GLIPR1L2: variants seen among roughly 807,000 people sequenced by gnomAD.
GLIPR1L2 encodes the protein GLIPR1 like 2, also known as GLIPR1-like protein 2.
GLIPR1L2 carries 21 observed loss-of-function variants against 28.4 expected under a neutral mutation model. The observed-to-expected ratio is 0.74, with a 90% CI of 0.52 to 1.06. GLIPR1L2 has a LOEUF of 1.06. GLIPR1L2 is among the 50% of genes least tolerant of loss of function. The pLI, the probability that GLIPR1L2 is intolerant of heterozygous loss-of-function variation, is 0.00. For missense variants in GLIPR1L2, 476 were observed against 416.9 expected (o/e 1.14, Z -1.23); for synonymous variants, 145 against 139.3 (o/e 1.04, Z -0.29).
intron 4 of GLIPR1L2, 113 bp downstream of exon 4, chr12:75,423,102 T>C (rs1594028935): frequency 6.3e-7 from 1 of 1,584,166 alleles, no homozygotes; most frequent in Non-Finnish European, 8.6e-7. Context: ...TTGATCAGAA[T>C]GCTACTATTA....
rs570242886 is a variant in GLIPR1L2 at position 75,429,307 on chromosome 12, TA to T, written c.671-1406del. Among the ~76,000 whole-genome samples, 502 of 152,340 alleles carry T rather than the reference TA, an allele frequency of 3.3e-3. 1 individual carries two copies. Among genetic ancestry groups the T allele is most frequent in the Non-Finnish European group, 6.2e-3 (421 of 68,028 alleles). ...GAGATTATTTTGGAGCTTTAAGATG[TA>T]ATGACTGTCCTGTTGGGTTTTGAAC... On this transcript the variant is annotated intron_variant, in intron 4 of 5. Coordinates refer to ENST00000550916, the MANE Select transcript of GLIPR1L2 (RefSeq NM_001270396.2).
intron 1 of GLIPR1L2, among the ~76,000 whole-genome samples, chr12:75,406,773 A>G (rs1244389364): frequency 2.1e-5 from 3 of 145,122 alleles, no homozygotes; most frequent in African/African-American, 5.1e-5. Flanking sequence ...AAAAAAAAAA[A>G]AGAGAGAGAG....
intron 4 of GLIPR1L2, among the ~76,000 whole-genome samples, chr12:75,428,789 G>A (rs1343326059): frequency 1.3e-5 from 2 of 152,224 alleles, no homozygotes; most frequent in Non-Finnish European, 1.5e-5. Flanking sequence ...GTGGCTCAAA[G>A]GGGCCAAGGT....
In GLIPR1L2 at chr12:75,413,706, G is replaced by C. The variant is rs2045895988; in HGVS notation, c.584+5G>C. 1 of 1,328,782 alleles carries C rather than the reference G, an allele frequency of 7.5e-7. No homozygotes were observed. The highest frequency in any genetic ancestry group is 1.5e-5 in the African/African-American group (1 of 65,852). The allele number at this position is 1,328,782 out of a possible 1,614,324, so 82.3% of individuals were successfully genotyped here. On this transcript the variant is annotated splice_donor_5th_base_variant and intron_variant, in intron 3 of 5. Transcript: ENST00000550916. ...CATATGCAACTATGCGCCAGGGTAAGTTACTTAAAATTAATAAAAGAATAT... is the reference window on the plus strand; with the variant it reads ...CATATGCAACTATGCGCCAGGGTAACTTACTTAAAATTAATAAAAGAATAT...
intron 1 of GLIPR1L2, among the ~76,000 whole-genome samples, chr12:75,396,096 G>A (rs938453934): frequency 6.6e-6 from 1 of 151,948 alleles, no homozygotes; most frequent in African/African-American, 2.4e-5. Flanking sequence ...TTTTTCCCAA[G>A]GTATTTTCTT....
At chr12:75,423,070 T>C in intron 4 of GLIPR1L2, 81 bp downstream of exon 4, 1 of 1,603,968 alleles carries the variant, frequency 6.2e-7, no homozygotes, top group Non-Finnish European at 8.5e-7. Context: ...TAGTTTTTTA[T>C]GGTCATGTTA....
chr12:75,402,538 G>A (rs546549534), intron 1 of GLIPR1L2, among the ~76,000 whole-genome samples: 18 of 152,254 alleles, frequency 1.2e-4, no homozygotes, highest in African/African-American at 3.9e-4. Flanking sequence ...TCTTAATAAT[G>A]TTTTCCTTTA....
At chr12:75,422,180 G>A (rs1324350094) in intron 3 of GLIPR1L2, among the ~76,000 whole-genome samples, 1 of 151,026 alleles carries the variant, frequency 6.6e-6, no homozygotes, top group African/African-American at 2.4e-5. Context: ...TTTTTGAAGA[G>A]ACGAGGTCTT....
At chr12:75,419,988 ATTC>A (rs1257134165) in intron 3 of GLIPR1L2, among the ~76,000 whole-genome samples, 1 of 152,206 alleles carries the variant, frequency 6.6e-6, no homozygotes, top group East Asian at 1.9e-4. Context: ...ATTGGAATAG[ATTC>A]TTCTTGGAAA....
intron 3 of GLIPR1L2, among the ~76,000 whole-genome samples, chr12:75,417,837 C>G (rs1239654660): frequency 6.6e-6 from 1 of 151,730 alleles, no homozygotes; most frequent in Non-Finnish European, 1.5e-5. Context: ...AAGATAAAAA[C>G]TCACACATTT....
rs1390806042 is a variant in GLIPR1L2, at chr12:75,432,471, G to C, written c.*1310G>C. ...AAAACAATCTCTGTTTTCTGGTTTT[G>C]ATAGAATATTGTGTTCTAAAGCTAT... is the stretch of plus-strand genomic sequence containing the variant. On this transcript the variant is annotated 3_prime_UTR_variant, in exon 6 of 6. Coordinates refer to ENST00000550916, the MANE Select transcript of GLIPR1L2 (RefSeq NM_001270396.2). 1 of 151,334 alleles carries C rather than the reference G, an allele frequency of 6.6e-6. No homozygotes were observed. Among genetic ancestry groups the C allele is most frequent in the Non-Finnish European group, 1.5e-5 (1 of 67,880 alleles). 9.4% of individuals were successfully genotyped at this position (151,334 alleles called of 1,614,324 possible).
At chr12:75,409,625 TTATA>T (rs886297600) in intron 1 of GLIPR1L2, among the ~76,000 whole-genome samples, 26 of 145,634 alleles carry the variant, frequency 1.8e-4, no homozygotes, top group African/African-American at 5.9e-4. Flanking sequence ...TTCTCTAATC[TTATA>T]TATATATATA....
intron 4 of GLIPR1L2, among the ~76,000 whole-genome samples, chr12:75,428,193 G>T (rs543287063): frequency 3.3e-4 from 51 of 152,336 alleles, no homozygotes; most frequent in South Asian, 6.2e-4. Context: ...TGAAATCCAG[G>T]CTGAGGTGGT....
Position 75,417,054 on chromosome 12 carries a change from G to A in GLIPR1L2, c.584+3353G>A, listed in dbSNP as rs765414492. ...GATGAATGGTGCCCCCCCTACCAAC[G>A]TTATGTTTAGGTCCTAATTTCCAGA... On this transcript the variant is annotated intron_variant, in intron 3 of 5. Transcript: ENST00000550916. Among the ~76,000 whole-genome samples the A allele has an allele frequency of 9.9e-5, 15 of 152,048 alleles. 1 individual carries two copies. Among genetic ancestry groups the A allele is most frequent in the Admixed American group, 2.0e-4 (3 of 15,258 alleles).
chr12:75,401,727 T>C (rs944688137), intron 1 of GLIPR1L2, among the ~76,000 whole-genome samples: 1 of 152,154 alleles, frequency 6.6e-6, no homozygotes, highest in East Asian at 1.9e-4. Flanking sequence ...TGATAGAATC[T>C]TAACTAAGGA....
chr12:75,391,541 CATG>C (rs764836794), intron 1 of GLIPR1L2, 191 bp downstream of exon 1: 2 of 1,523,826 alleles, frequency 1.3e-6, no homozygotes, highest in South Asian at 1.2e-5. Flanking sequence ...TGCTTATTAC[CATG>C]ATATTACACA....
chr12:75,394,072 C>A (rs1329191950), intron 1 of GLIPR1L2, among the ~76,000 whole-genome samples: 2 of 152,024 alleles, frequency 1.3e-5, no homozygotes, highest in Non-Finnish European at 2.9e-5. Context: ...CTTTGAAGAA[C>A]TATCTATTCA....
chr12:75,413,058 A>G (rs2139947113), intron 2 of GLIPR1L2, among the ~76,000 whole-genome samples: 1 of 152,132 alleles, frequency 6.6e-6, no homozygotes, highest in South Asian at 2.1e-4. Context: ...ACATGGATGA[A>G]ACTGGAAACC....
intron 1 of GLIPR1L2, among the ~76,000 whole-genome samples, chr12:75,409,850 G>A (rs1002610491): frequency 1.4e-4 from 21 of 145,380 alleles, no homozygotes; most frequent in African/African-American, 5.0e-4. Context: ...ATATATATAA[G>A]ATGTATATCT....
Sources: gnomAD v4.1 joint callset for allele counts (sites outside exome capture counted in the v4.1 genomes callset) on GRCh38, gnomAD v4.1.1 for gene constraint, MANE v1.5 for transcripts, NCBI Gene and HGNC (gene_info 2026-07-23, HGNC 2026-07-21) for gene names.